SORCS2: variants seen among roughly 807,000 people sequenced by gnomAD.
SORCS2 encodes the protein sortilin related VPS10 domain containing receptor 2.
A neutral mutation model predicts 141.6 loss-of-function variants in SORCS2; 100 were observed. The observed-to-expected ratio is 0.71, with a 90% CI of 0.60 to 0.83. The LOEUF (loss-of-function observed/expected upper bound fraction) is 0.83. Among genes scored for constraint, SORCS2 ranks in the 40% least tolerant of loss-of-function variants. The probability of loss-of-function intolerance (pLI) is 0.00; values close to 1 mark genes in which losing one functional copy is unlikely to be tolerated. For missense variants in SORCS2, 1,646 were observed against 1,560.2 expected (o/e 1.05, Z -0.93); for synonymous variants, 789 against 676.9 (o/e 1.17, Z -2.57).
intron 2 of SORCS2, among the ~76,000 whole-genome samples, chr4:7,495,695 C>T (rs1018479788): frequency 6.6e-6 from 1 of 152,162 alleles, no homozygotes; most frequent in African/African-American, 2.4e-5. Context: ...ACTGAGGTCA[C>T]GAAGAAGGGA....
At chr4:7,256,324 C>A (rs1449835053) in intron 1 of SORCS2, among the ~76,000 whole-genome samples, 1 of 152,162 alleles carries the variant, frequency 6.6e-6, no homozygotes, top group Non-Finnish European at 1.5e-5. Flanking sequence ...TCTAGAGAAT[C>A]TGGAAGTCTG....
intron 1 of SORCS2, among the ~76,000 whole-genome samples, chr4:7,315,157 C>T (rs1008132602): frequency 1.8e-4 from 27 of 152,146 alleles, no homozygotes; most frequent in African/African-American, 6.3e-4. Context: ...TCTTGTAGCT[C>T]TCCCCTCCAC....
chr4:7,481,182 T>C (rs527867149), intron 2 of SORCS2, among the ~76,000 whole-genome samples: 1 of 152,316 alleles, frequency 6.6e-6, no homozygotes, highest in Admixed American at 6.5e-5. Flanking sequence ...AGCCACAGAC[T>C]TTCCTGAGTG....
intron 2 of SORCS2, among the ~76,000 whole-genome samples, chr4:7,515,420 G>A (rs1218299760): frequency 2.0e-5 from 3 of 152,184 alleles, no homozygotes; most frequent in African/African-American, 4.8e-5. Flanking sequence ...GCAGGTCTGC[G>A]AGCTCTGCTG....
intron 1 of SORCS2, among the ~76,000 whole-genome samples, chr4:7,258,981 T>C (rs894024909): frequency 2.6e-5 from 4 of 152,228 alleles, no homozygotes; most frequent in African/African-American, 9.6e-5. Context: ...TTGTTTGTTT[T>C]TTTCTTATAA....
chr4:7,681,929 C>T (rs1459768234), intron 9 of SORCS2, among the ~76,000 whole-genome samples: 3 of 152,180 alleles, frequency 2.0e-5, no homozygotes, highest in Admixed American at 6.5e-5. Context: ...ACACAGGAGG[C>T]CTTGATAAGT....
At chr4:7,561,339 C>A (rs1178190389) in intron 3 of SORCS2, among the ~76,000 whole-genome samples, 1 of 150,442 alleles carries the variant, frequency 6.6e-6, no homozygotes, top group African/African-American at 2.5e-5. Flanking sequence ...AGGGGAGCGG[C>A]TGGAAGTCCA....
At chr4:7,469,932 C>A (rs2109342817) in intron 2 of SORCS2, among the ~76,000 whole-genome samples, 1 of 152,310 alleles carries the variant, frequency 6.6e-6, no homozygotes, top group Non-Finnish European at 1.5e-5. Context: ...TGTTATCAAA[C>A]AATGGGTCTT....
chr4:7,413,391 C>CTTTTTTTTTTTTTTTTTTTTTTTT lies in SORCS2; in HGVS notation c.548+17056_548+17057insTTTTTTTTTTTTTTTTTTTTTTTT, dbSNP rs34379092. On this transcript the variant is annotated intron_variant, in intron 2 of 26. Coordinates refer to ENST00000507866, the MANE Select transcript of SORCS2 (RefSeq NM_020777.3). ...ATGATCCTCCGTATTTTCACAGCTG[C>CTTTTTTTTTTTTTTTTTTTTTTTT]TTTTTTTTTTTTTTTTTTTTGAGAT... is the stretch of plus-strand genomic sequence containing the variant. Among the ~76,000 whole-genome samples the CTTTTTTTTTTTTTTTTTTTTTTTT allele has an allele frequency of 1.4e-4, 12 of 84,822 alleles. 3 individuals carry two copies. Among genetic ancestry groups the CTTTTTTTTTTTTTTTTTTTTTTTT allele is most frequent in the Non-Finnish European group, 2.4e-4 (11 of 45,604 alleles). 55.6% of individuals were successfully genotyped at this position (84,822 alleles called of 152,430 possible).
intron 2 of SORCS2, among the ~76,000 whole-genome samples, chr4:7,439,493 C>T (rs1042402182): frequency 6.6e-6 from 1 of 152,228 alleles, no homozygotes; most frequent in Admixed American, 6.5e-5. Context: ...CAGCTAAACA[C>T]ACACATCTTC....
intron 3 of SORCS2, among the ~76,000 whole-genome samples, chr4:7,537,081 CCT>C (rs1260703650): frequency 3.3e-5 from 5 of 152,238 alleles, no homozygotes; most frequent in Non-Finnish European, 5.9e-5. Context: ...GATGGGGCTC[CCT>C]GTGTCTGCGC....
At chr4:7,252,568 C>T (rs1004863636) in intron 1 of SORCS2, among the ~76,000 whole-genome samples, 1 of 152,248 alleles carries the variant, frequency 6.6e-6, no homozygotes, top group Non-Finnish European at 1.5e-5. Context: ...AAAGGCTCTA[C>T]ATACTTCCCC....
At chr4:7,467,457 C>T (rs1026121852) in intron 2 of SORCS2, among the ~76,000 whole-genome samples, 17 of 152,226 alleles carry the variant, frequency 1.1e-4, no homozygotes, top group African/African-American at 3.9e-4. Flanking sequence ...TCACAGCTCT[C>T]ATCATCACTC....
intron 1 of SORCS2, among the ~76,000 whole-genome samples, chr4:7,214,201 A>G (rs562269990): frequency 5.3e-4 from 80 of 152,276 alleles, no homozygotes; most frequent in African/African-American, 1.7e-3. Context: ...CAATGCTGAA[A>G]TTTAATTGGC....
intron 1 of SORCS2, among the ~76,000 whole-genome samples, chr4:7,248,787 G>C (rs2108802108): frequency 6.6e-6 from 1 of 152,344 alleles, no homozygotes; most frequent in East Asian, 1.9e-4. Flanking sequence ...GAAGACAAAT[G>C]TTCCAGAGAT....
At chr4:7,607,422 G>A (rs1435516852) in intron 3 of SORCS2, among the ~76,000 whole-genome samples, 2 of 152,000 alleles carry the variant, frequency 1.3e-5, no homozygotes, top group East Asian at 1.9e-4. Context: ...CAGATTCAAC[G>A]CCTACCACTC....
rs528265608 is a variant in SORCS2, at chr4:7,394,630, G to C, written c.481-1658G>C. ...TGGTGGGGACTCTCCCCTCGAGGGA[G>C]GGGGAGGAGGAAGCAGTCTTGCTGG... On this transcript the variant is annotated intron_variant, in intron 1 of 26. Coordinates refer to ENST00000507866, the MANE Select transcript of SORCS2 (RefSeq NM_020777.3). 3.9e-5 allele frequency among the ~76,000 whole-genome samples: 6 copies of C among 152,302 alleles called. No homozygotes were observed. In the East Asian group the frequency reaches 7.7e-4, roughly 20 times the overall value.
At chr4:7,338,606 C>T (rs1720171182) in intron 1 of SORCS2, among the ~76,000 whole-genome samples, 1 of 152,190 alleles carries the variant, frequency 6.6e-6, no homozygotes, top group Admixed American at 6.5e-5. Flanking sequence ...ACTCTTGATA[C>T]AGTGCTCTTT....
intron 2 of SORCS2, among the ~76,000 whole-genome samples, chr4:7,415,401 T>A (rs1725600611): frequency 6.6e-6 from 1 of 152,226 alleles, no homozygotes; most frequent in African/African-American, 2.4e-5. Context: ...GGCTCAGGCC[T>A]TCCCTCCCAA....
Sources: gnomAD v4.1 joint callset for allele counts (sites outside exome capture counted in the v4.1 genomes callset) on GRCh38, gnomAD v4.1.1 for gene constraint, MANE v1.5 for transcripts, NCBI Gene and HGNC (gene_info 2026-07-23, HGNC 2026-07-21) for gene names.